The following VPS13D variants were observed in gnomAD, a reference collection of about 807,000 sequenced individuals.
VPS13D encodes vacuolar protein sorting 13 homolog D.
In VPS13D, 187 loss-of-function variants were observed where a neutral mutation model predicts 461.9. The observed-to-expected ratio is 0.40, with a 90% CI of 0.36 to 0.46. The LOEUF (loss-of-function observed/expected upper bound fraction) is 0.46, where lower values mean the gene tolerates loss of function less well. Ranked by LOEUF, VPS13D falls within the 20% of genes least tolerant of loss-of-function variation. The pLI is 0.60. For synonymous variants in VPS13D, 1,951 were observed against 1,986.3 expected (o/e 0.98, Z 0.47); for missense variants, 4,711 against 5,364.9 (o/e 0.88, Z 3.81).
At chr1:12,246,464 A>G (rs1640553174) in intron 5 of VPS13D, among the ~76,000 whole-genome samples, 1 of 152,232 alleles carries the variant, frequency 6.6e-6, no homozygotes, top group South Asian at 2.1e-4. Flanking sequence ...TGGGATACTC[A>G]GCCAGTTAAG....
chr1:12,472,841 A>G (rs932851295), intron 67 of VPS13D, among the ~76,000 whole-genome samples: 4 of 152,102 alleles, frequency 2.6e-5, no homozygotes, highest in Non-Finnish European at 5.9e-5. Context: ...GTATTATCTC[A>G]TTTAGGCATC....
intron 65 of VPS13D, among the ~76,000 whole-genome samples, chr1:12,450,640 A>T (rs1645251739): frequency 6.6e-6 from 1 of 152,246 alleles, no homozygotes; most frequent in Non-Finnish European, 1.5e-5. Flanking sequence ...AAGAGGGAAC[A>T]AATACTCTAC....
At chr1:12,401,536 G>A in intron 61 of VPS13D, 72 bp from the exon 62 acceptor site, 6 of 1,110,294 alleles carry the variant, frequency 5.4e-6, no homozygotes, top group Non-Finnish European at 7.9e-6. Flanking sequence ...ATGTCATTGA[G>A]GCCTTCTTAA....
intron 17 of VPS13D, among the ~76,000 whole-genome samples, chr1:12,271,990 G>A (rs1253019755): frequency 6.6e-6 from 1 of 151,356 alleles, no homozygotes; most frequent in Admixed American, 6.6e-5. Context: ...TCAGGAGTTC[G>A]AGACCAGCCT....
rs374863214 is a variant in VPS13D at position 12,299,868 on chromosome 1, A to G, written c.6216+484A>G. On this transcript the variant is annotated intron_variant, in intron 25 of 69. Transcript: ENST00000620676. This position sits in a 1 kb window ranked among gnomAD's most constrained non-coding sequence, Gnocchi z 4.2. Reference sequence around the variant, plus strand: ...GTCTTAATAATAACATCTGTACAGTATATTGCTTTACAGTTTTAAATTACT... The same window carrying G: ...GTCTTAATAATAACATCTGTACAGTGTATTGCTTTACAGTTTTAAATTACT... Among the ~76,000 whole-genome samples the G allele has an allele frequency of 6.7e-6, 1 of 148,412 alleles. No individual in the cohort carries two copies. The highest frequency in any genetic ancestry group is 2.1e-4 in the South Asian group (1 of 4,712).
At position 12,282,940 on chromosome 1, in the gene VPS13D, A is replaced by C; in HGVS notation, c.4838A>C (p.Lys1613Thr). Residue 1613 changes from lysine (K) to threonine (T), a missense_variant, in exon 21 of 70, where the codon AAA becomes ACA. Physicochemically the swap from Lys to Thr is moderately conservative, Grantham distance 78 (BLOSUM62 -1). Coordinates refer to ENST00000620676, the MANE Select transcript of VPS13D (RefSeq NM_015378.4). ...SQKSLSVKEV[K>T]SFTQIQATFC... ...AAGTCATTGTCAGTGAAGGAAGTCAAATCCTTTACTCAGATTCAAGCCACC... is the reference window on the plus strand; with the variant it reads ...AAGTCATTGTCAGTGAAGGAAGTCACATCCTTTACTCAGATTCAAGCCACC... 6.2e-7 allele frequency: 1 copy of C among 1,614,176 alleles called. No individual in the cohort carries two copies. Among genetic ancestry groups the C allele is most frequent in the Non-Finnish European group, 8.5e-7 (1 of 1,180,018 alleles).
At chr1:12,246,585 A>G (rs559409313) in intron 5 of VPS13D, among the ~76,000 whole-genome samples, 2 of 152,320 alleles carry the variant, frequency 1.3e-5, no homozygotes, top group South Asian at 4.1e-4. Context: ...CTCTCAGAGA[A>G]ATGTCACAGT....
At chr1:12,500,017 C>G in intron 68 of VPS13D, 2 of 985,390 alleles carry the variant, frequency 2.0e-6, no homozygotes, top group Non-Finnish European at 2.4e-6. Flanking sequence ...CTCTACTGTT[C>G]TGACTAAATG....
At chr1:12,324,859 AT>A (rs1270655545) in intron 35 of VPS13D, among the ~76,000 whole-genome samples, 1 of 152,148 alleles carries the variant, frequency 6.6e-6, no homozygotes, top group Non-Finnish European at 1.5e-5. Context: ...AGACATTATT[AT>A]TCCCACTTGA....
intron 17 of VPS13D, among the ~76,000 whole-genome samples, chr1:12,271,783 T>C (rs1327800282): frequency 6.6e-6 from 1 of 152,226 alleles, no homozygotes; most frequent in Non-Finnish European, 1.5e-5. Context: ...AAGAGACAAC[T>C]GGAATGATGC....
rs146245755 is a variant in VPS13D at position 12,352,027 on chromosome 1, C to T, written c.9432-1947C>T. 5.6e-3 allele frequency among the ~76,000 whole-genome samples: 853 copies of T among 151,940 alleles called. 7 individuals are homozygous for T. The highest frequency in any genetic ancestry group is 0.019 in the African/African-American group (774 of 41,432). ...AAAGAAAGTCAAGTGCAGTGGCTCA[C>T]GGCTATAATCCCAGCACTTTGGGAG... On this transcript the variant is annotated intron_variant, in intron 46 of 69. Transcript: ENST00000620676.
rs376922293 is a variant in VPS13D at position 12,507,268 on chromosome 1, G to A, written c.13035+175G>A. On this transcript the variant is annotated intron_variant, in intron 69 of 69. Coordinates refer to ENST00000620676, the MANE Select transcript of VPS13D (RefSeq NM_015378.4). The surrounding 1 kb of genome is among the most constrained non-coding windows in gnomAD (Gnocchi z 5.3). ...GGGGCCCAGGGTATGTTCACGGGGC[G>A]ATGCTGCCCTCCCAGCTGGCCCATG... is the stretch of plus-strand genomic sequence containing the variant. The A allele has an allele frequency of 2.3e-5, 27 of 1,163,022 alleles. No individual in the cohort carries two copies. The highest frequency in any genetic ancestry group is 1.7e-4 in the African/African-American group (11 of 66,464). 72.0% of individuals were successfully genotyped at this position (1,163,022 alleles called of 1,614,324 possible).
chr1:12,467,362 G>A (rs575503107), intron 67 of VPS13D, among the ~76,000 whole-genome samples: 2 of 152,234 alleles, frequency 1.3e-5, no homozygotes, highest in South Asian at 2.1e-4. Flanking sequence ...AGTAGAGATG[G>A]GGTTTCACCA....
intron 55 of VPS13D, among the ~76,000 whole-genome samples, chr1:12,375,340 A>G (rs1421781005): frequency 6.6e-6 from 1 of 152,110 alleles, no homozygotes; most frequent in Admixed American, 6.5e-5. Context: ...AGGGTTTTTT[A>G]ATCTATGTAT....
At chr1:12,499,781 C>T (rs952330591) in intron 68 of VPS13D, 7 of 985,234 alleles carry the variant, frequency 7.1e-6, no homozygotes, top group Non-Finnish European at 8.4e-6. Context: ...GGGAGTGTGT[C>T]GCATGTTCCT....
chr1:12,356,188 A>G (rs542078021), intron 48 of VPS13D, 98 bp downstream of exon 48: 2 of 1,446,224 alleles, frequency 1.4e-6, no homozygotes, highest in East Asian at 2.3e-5. Flanking sequence ...CAAATAGATT[A>G]CTTCAACAGT....
Position 12,379,565 on chromosome 1 carries a change from T to C in VPS13D, c.11159T>C (p.Leu3720Pro), listed in dbSNP as rs1644244778. ...TQTWSFREGKLTCGLHGLVVQ... is the reference protein window; with the variant it reads ...TQTWSFREGKPTCGLHGLVVQ... ...ACGTGGAGTTTCCGAGAAGGAAAAC[T>C]GACCTGTGGGTTACATGGGTTGGTC... is the stretch of plus-strand genomic sequence containing the variant. The change falls in exon 57 of 70, where the codon CTG becomes CCG. Residue 3720 changes from leucine to proline, a missense_variant. Physicochemically the swap from Leu to Pro is moderately conservative, Grantham distance 98 (BLOSUM62 -3). Around this residue, in one of 3 missense-constraint regions of VPS13D, gnomAD observed 4,411 missense variants for 4,937.8 expected, o/e 0.89. Coordinates refer to ENST00000620676, the MANE Select transcript of VPS13D (RefSeq NM_015378.4). 6.2e-7 allele frequency: 1 copy of C among 1,613,678 alleles called. No homozygotes were observed. Among genetic ancestry groups the C allele is most frequent in the Non-Finnish European group, 8.5e-7 (1 of 1,179,790 alleles).
At position 12,340,507 on chromosome 1, in the gene VPS13D, A is replaced by T. The variant is rs559922482; in HGVS notation, c.8627-1273A>T. On this transcript the variant is annotated intron_variant, in intron 40 of 69. Coordinates refer to ENST00000620676, the MANE Select transcript of VPS13D (RefSeq NM_015378.4). ...TGATTGCTTTTTAAAAGGCAGTGAC[A>T]ATTACCGACTGTTATGATACAGTCC... Among the ~76,000 whole-genome samples the T allele has an allele frequency of 8.5e-5, 13 of 152,356 alleles. 1 individual carries two copies. Among genetic ancestry groups the T allele is most frequent in the African/African-American group, 3.1e-4 (13 of 41,582 alleles).
intron 35 of VPS13D, among the ~76,000 whole-genome samples, chr1:12,325,225 CTT>C (rs1162790742): frequency 6.6e-6 from 1 of 151,952 alleles, no homozygotes. Flanking sequence ...CCTTTCCAGT[CTT>C]TACACTTGTG....
Sources: allele counts gnomAD v4.1 joint callset (sites outside exome capture counted in the v4.1 genomes callset), GRCh38; gene constraint gnomAD v4.1.1; regional missense constraint gnomAD v4.1.1; non-coding constraint Gnocchi (gnomAD v3.1); transcripts MANE v1.5; gene names NCBI Gene and HGNC (gene_info 2026-07-23, HGNC 2026-07-21).